OSBPL3: variants seen among roughly 807,000 people sequenced by gnomAD.
The protein encoded by OSBPL3 is oxysterol binding protein like 3.
A neutral mutation model predicts 120.1 loss-of-function variants in OSBPL3; 65 were observed. The ratio of observed to expected loss-of-function variants is 0.54; its 90% CI spans 0.44 to 0.67. The LOEUF is 0.67. OSBPL3 is among the 30% of genes least tolerant of loss of function. The pLI is 0.00. For synonymous variants in OSBPL3, 416 were observed against 402.6 expected, an observed-to-expected ratio of 1.03 and a Z score of -0.40; for missense variants, 1,004 against 1,082.1, an observed-to-expected ratio of 0.93 and a Z score of 1.01.
At position 24,940,418 on chromosome 7, in the gene OSBPL3, C is replaced by T. The variant is rs1194071898; in HGVS notation, c.-150+39468G>A. On this transcript the variant is annotated intron_variant, in intron 1 of 22. Coordinates refer to ENST00000313367, the MANE Select transcript of OSBPL3 (RefSeq NM_015550.4). The surrounding 1 kb of genome is among the most constrained non-coding windows in gnomAD (Gnocchi z 4.4). ...AAGGGTTGACTATATAGCCCAGGTACACCAGGGGAGAAGTAAAGAGTGTGG... is the reference window on the plus strand; with the variant it reads ...AAGGGTTGACTATATAGCCCAGGTATACCAGGGGAGAAGTAAAGAGTGTGG... Among the ~76,000 whole-genome samples, 1 of 152,098 alleles carries T rather than the reference C, an allele frequency of 6.6e-6. No homozygotes were observed. Among genetic ancestry groups the T allele is most frequent in the Admixed American group, 6.5e-5 (1 of 15,272 alleles).
chr7:24,894,697 G>A lies in OSBPL3; in HGVS notation c.-149-2076C>T, dbSNP rs1178070723. Among the ~76,000 whole-genome samples the A allele has an allele frequency of 1.3e-5, 2 of 152,116 alleles. No homozygotes were observed. Among genetic ancestry groups the A allele is most frequent in the Non-Finnish European group, 2.9e-5 (2 of 68,024 alleles). On this transcript the variant is annotated intron_variant, in intron 1 of 22. Coordinates refer to ENST00000313367, the MANE Select transcript of OSBPL3 (RefSeq NM_015550.4). The surrounding 1 kb of genome is among the most constrained non-coding windows in gnomAD (Gnocchi z 4.1). ...CTTTAAGGCTGAGGTTCTGTTAAAC[G>A]AGAGTCTACAAGAGTCTGGGATGAG...
At chr7:24,957,168 C>T (rs1815166463) in intron 1 of OSBPL3, among the ~76,000 whole-genome samples, 1 of 147,092 alleles carries the variant, frequency 6.8e-6, no homozygotes, top group African/African-American at 2.5e-5. Context: ...AGAAGGGGGC[C>T]AATACTATTA....
Position 24,839,049 on chromosome 7 carries a change from G to T in OSBPL3, c.1495+1641C>A, listed in dbSNP as rs535352843. 1.1e-4 allele frequency among the ~76,000 whole-genome samples: 16 copies of T among 152,198 alleles called. No individual in the cohort carries two copies. The South Asian group carries it at 3.1e-3, about 30-fold the overall frequency. ...ATTACCTGCTTTCTTCCCCTATACT[G>T]CGGTCCCCCAAAAGGTGGCTCTTAA... On this transcript the variant is annotated intron_variant, in intron 14 of 22. Coordinates refer to ENST00000313367, the MANE Select transcript of OSBPL3 (RefSeq NM_015550.4).
chr7:24,859,277 C>G (rs1800208248), intron 10 of OSBPL3, among the ~76,000 whole-genome samples: 1 of 152,058 alleles, frequency 6.6e-6, no homozygotes, highest in African/African-American at 2.4e-5. Context: ...CTTCTCTCTT[C>G]CCATATTACA....
intron 1 of OSBPL3, among the ~76,000 whole-genome samples, chr7:24,928,628 AC>A (rs1247681718): frequency 2.6e-5 from 4 of 152,164 alleles, no homozygotes; most frequent in Non-Finnish European, 5.9e-5. Context: ...TTCAATCAAC[AC>A]CTCAAAGAAC....
intron 2 of OSBPL3, among the ~76,000 whole-genome samples, chr7:24,884,083 A>G (rs1431343527): frequency 2.2e-5 from 2 of 88,964 alleles, no homozygotes; most frequent in East Asian, 1.1e-3. Context: ...AAACAACAAC[A>G]GCAACAACAA....
rs1006906814 is a variant in OSBPL3, at chr7:24,972,092, C to A, written c.-150+7794G>T. Reference sequence around the variant, plus strand: ...AAGTTATTTTAAGCTACATGCAGGGCTATGCTGGAGGACAGGTTGCTAGAT... The same window carrying A: ...AAGTTATTTTAAGCTACATGCAGGGATATGCTGGAGGACAGGTTGCTAGAT... On this transcript the variant is annotated intron_variant, in intron 1 of 22. Transcript: ENST00000313367. This position sits in a 1 kb window ranked among gnomAD's most constrained non-coding sequence, Gnocchi z 4.3. 1.3e-5 allele frequency among the ~76,000 whole-genome samples: 2 copies of A among 152,202 alleles called. No individual in the cohort carries two copies. Among genetic ancestry groups the A allele is most frequent in the African/African-American group, 4.8e-5 (2 of 41,440 alleles).
In OSBPL3 at chr7:24,817,038, C is replaced by T. The variant is rs1794563159; in HGVS notation, c.1949-350G>A. Among the ~76,000 whole-genome samples the T allele has an allele frequency of 6.6e-6, 1 of 152,128 alleles. No homozygotes were observed. Among genetic ancestry groups the T allele is most frequent in the African/African-American group, 2.4e-5 (1 of 41,416 alleles). ...TGCTTGGAGAAAGCATCAGAAGAGGCTTGTCAGAAAGGGCCATCTAAATGG... is the reference window on the plus strand; with the variant it reads ...TGCTTGGAGAAAGCATCAGAAGAGGTTTGTCAGAAAGGGCCATCTAAATGG... On this transcript the variant is annotated intron_variant, in intron 17 of 22. Coordinates refer to ENST00000313367, the MANE Select transcript of OSBPL3 (RefSeq NM_015550.4). This position sits in a 1 kb window ranked among gnomAD's most constrained non-coding sequence, Gnocchi z 4.0.
chr7:24,929,552 T>C (rs754916098), intron 1 of OSBPL3, among the ~76,000 whole-genome samples: 1 of 152,190 alleles, frequency 6.6e-6, no homozygotes, highest in African/African-American at 2.4e-5. Flanking sequence ...AAAGAGAATT[T>C]GTATATTAAT....
At chr7:24,816,868 G>C (rs556343999) in intron 17 of OSBPL3, among the ~76,000 whole-genome samples, 180 bp from the exon 18 acceptor site, 1 of 152,192 alleles carries the variant, frequency 6.6e-6, no homozygotes, top group Non-Finnish European at 1.5e-5. Flanking sequence ...CCTTGGAGCA[G>C]AATCAGGGAA....
chr7:24,950,560 A>C (rs760142413), intron 1 of OSBPL3, among the ~76,000 whole-genome samples: 8 of 151,698 alleles, frequency 5.3e-5, no homozygotes, highest in Non-Finnish European at 1.0e-4. Context: ...GTCTCTACTA[A>C]AAATACAAAA....
At chr7:24,885,141 G>A (rs1406698150) in intron 2 of OSBPL3, among the ~76,000 whole-genome samples, 3 of 151,018 alleles carry the variant, frequency 2.0e-5, no homozygotes, top group African/African-American at 7.3e-5. Flanking sequence ...AGAATCGCTT[G>A]AACCCAGGAG....
intron 1 of OSBPL3, among the ~76,000 whole-genome samples, chr7:24,971,400 G>A (rs1423976021): frequency 6.6e-5 from 10 of 152,222 alleles, no homozygotes; most frequent in Admixed American, 6.5e-4. Flanking sequence ...GGCTGGAGAG[G>A]CAAGCCCGGG....
chr7:24,946,251 C>G lies in OSBPL3; in HGVS notation c.-150+33635G>C, dbSNP rs1410607774. Among the ~76,000 whole-genome samples the G allele has an allele frequency of 6.6e-6, 1 of 152,176 alleles. No individual in the cohort carries two copies. Among genetic ancestry groups the G allele is most frequent in the Admixed American group, 6.5e-5 (1 of 15,280 alleles). On this transcript the variant is annotated intron_variant, in intron 1 of 22. Transcript: ENST00000313367. This position sits in a 1 kb window ranked among gnomAD's most constrained non-coding sequence, Gnocchi z 4.3. ...TACTTGGCAGTTAGCATGGTCAGAGCTAATGTCCCAAGAGAAGTAAGCAGA... is the reference window on the plus strand; with the variant it reads ...TACTTGGCAGTTAGCATGGTCAGAGGTAATGTCCCAAGAGAAGTAAGCAGA...
At chr7:24,954,507 A>G (rs1256845538) in intron 1 of OSBPL3, among the ~76,000 whole-genome samples, 1 of 152,196 alleles carries the variant, frequency 6.6e-6, no homozygotes, top group African/African-American at 2.4e-5. Context: ...CAAAGTGTTT[A>G]GACAAACAGC....
In OSBPL3 at chr7:24,972,555, T is replaced by G. The variant is rs2128542414; in HGVS notation, c.-150+7331A>C. On this transcript the variant is annotated intron_variant, in intron 1 of 22. Transcript: ENST00000313367. The surrounding 1 kb of genome is among the most constrained non-coding windows in gnomAD (Gnocchi z 4.3). ...AAGGGAGGTTCCACATCTGTTCAAT[T>G]CATCGCCACATCCCCTGCACCCAGC... Among the ~76,000 whole-genome samples, 1 of 152,326 alleles carries G rather than the reference T, an allele frequency of 6.6e-6. No individual in the cohort carries two copies. The highest frequency in any genetic ancestry group is 1.9e-4 in the East Asian group (1 of 5,182).
At position 24,812,005 on chromosome 7, in the gene OSBPL3, T is replaced by G. The variant is rs191699821; in HGVS notation, c.2173-2054A>C. On this transcript the variant is annotated intron_variant, in intron 19 of 22. Transcript: ENST00000313367. The stretch of plus-strand genomic sequence containing the variant: ...ATTTCTACCTTTGCTACATACAATG[T>G]AAGAGAAGGCTCAGTTCTTGGACGG... Among the ~76,000 whole-genome samples the G allele has an allele frequency of 4.7e-4, 72 of 152,298 alleles. No homozygotes were observed. The East Asian group carries it at 0.013, about 29-fold the overall frequency.
chr7:24,800,834 A>G (rs1255828527), intron 22 of OSBPL3, among the ~76,000 whole-genome samples: 1 of 152,048 alleles, frequency 6.6e-6, no homozygotes, highest in Non-Finnish European at 1.5e-5. Flanking sequence ...GGATGTGGGG[A>G]GAGTCTGTCA....
chr7:24,848,423 T>C (rs909364389), intron 12 of OSBPL3, among the ~76,000 whole-genome samples: 2 of 152,242 alleles, frequency 1.3e-5, no homozygotes, highest in African/African-American at 4.8e-5. Flanking sequence ...CATTACTCTT[T>C]CCTACTTATT....
Sources: gnomAD v4.1 joint callset for allele counts (sites outside exome capture counted in the v4.1 genomes callset) on GRCh38, gnomAD v4.1.1 for gene constraint, Gnocchi (gnomAD v3.1) non-coding constraint, MANE v1.5 for transcripts, NCBI Gene and HGNC (gene_info 2026-07-23, HGNC 2026-07-21) for gene names.